CES1: variants seen among roughly 807,000 people sequenced by gnomAD.
The protein encoded by CES1 is liver carboxylesterase 1.
In CES1, 50 loss-of-function variants were observed where a neutral mutation model predicts 53.0. The observed-to-expected ratio is 0.94, with a 90% CI of 0.75 to 1.19. The LOEUF is 1.19. CES1 is among the 50% of genes most tolerant of loss of function. CES1 has a pLI of 0.00. For missense variants in CES1, 534 were observed against 538.0 expected, an observed-to-expected ratio of 0.99 and a Z score of 0.07; for synonymous variants, 202 against 210.1, an observed-to-expected ratio of 0.96 and a Z score of 0.33.
intron 6 of CES1, 54 bp from the exon 7 acceptor site, chr16:55,819,693 T>C: frequency 6.9e-7 from 1 of 1,450,058 alleles, no homozygotes. Context: ...CTTCCCTCCA[T>C]CAAAGAGGAA....
In CES1 at chr16:55,819,631, A is replaced by G. The variant is rs1194934046; in HGVS notation, c.810T>C (p.Ala270=). Reference sequence around the variant, plus strand: ...TGGTGGTTTTGCACCCAGCAGTGATAGCAATTTGCTGCAAAGATCACAGGC... The same window carrying G: ...TGGTGGTTTTGCACCCAGCAGTGATGGCAATTTGCTGCAAAGATCACAGGC... ...GDVKPLAEQI[A]ITAGCKTTTS... Residue 270 remains alanine (A), a synonymous_variant, in exon 7 of 14, where the codon GCT becomes GCC. Transcript: ENST00000360526. 6.2e-7 allele frequency: 1 copy of G among 1,613,158 alleles called. No homozygotes were observed. The highest frequency in any genetic ancestry group is 8.5e-7 in the Non-Finnish European group (1 of 1,179,134).
intron 10 of CES1, 70 bp downstream of exon 10, chr16:55,810,857 C>T: frequency 6.8e-7 from 1 of 1,464,528 alleles, no homozygotes; most frequent in South Asian, 1.1e-5. Flanking sequence ...CATTTAATTG[C>T]TCTATGATTT....
chr16:55,823,025 A>C (rs1351876140), intron 4 of CES1, among the ~76,000 whole-genome samples: 3 of 152,092 alleles, frequency 2.0e-5, no homozygotes, highest in African/African-American at 7.2e-5. Context: ...AATTTCAAGC[A>C]GAAAATGAGC....
intron 2 of CES1, chr16:55,828,202 C>CGT: frequency 5.3e-6 from 1 of 189,878 alleles, no homozygotes; most frequent in South Asian, 1.0e-4. Flanking sequence ...CTTTTCTTCC[C>CGT]AGCTTGGCCA....
chr16:55,812,157 A>T lies in CES1; in HGVS notation c.1086+746T>A, dbSNP rs74019273. ...CTGAATAAATCTGTCCTACTGCTTT[A>T]ACCAGGGTCAGTTTTGTTTATCTTC... On this transcript the variant is annotated intron_variant, in intron 9 of 13. Coordinates refer to ENST00000360526, the MANE Select transcript of CES1 (RefSeq NM_001025195.2). Among the ~76,000 whole-genome samples, 656 of 152,352 alleles carry T rather than the reference A, an allele frequency of 4.3e-3. 3 individuals carry two copies. Among genetic ancestry groups the T allele is most frequent in the African/African-American group, 0.015 (625 of 41,578 alleles).
chr16:55,820,625 G>T, intron 5 of CES1, 146 bp from the exon 6 acceptor site: 9 of 1,351,380 alleles, frequency 6.7e-6, no homozygotes, highest in Non-Finnish European at 9.3e-6. Context: ...CCCACCTCAA[G>T]GAGGTGGAAG....
At chr16:55,809,549 C>A (rs577098147) in intron 11 of CES1, among the ~76,000 whole-genome samples, 1 of 152,338 alleles carries the variant, frequency 6.6e-6, no homozygotes, top group East Asian at 1.9e-4. Flanking sequence ...GCACACACAT[C>A]CCTAACGTCA....
In CES1 at chr16:55,821,392, CG is replaced by C. The variant is rs2032186478; in HGVS notation, c.668del (p.Ala223GlyfsTer35). On this transcript the variant is annotated frameshift_variant, in exon 5 of 14. Transcript: ENST00000360526. LOFTEE classifies it high-confidence loss of function. ...PGSVTIFGES[A>X]GGESVSVLVL... The stretch of plus-strand genomic sequence containing the variant: ...CAAGAACAGAGACACTTTCTCCTCC[CG>C]CTGACTCTCCAAAGATGGTCACAGA... The C allele has an allele frequency of 6.2e-7, 1 of 1,614,056 alleles. No individual in the cohort carries two copies. Among genetic ancestry groups the C allele is most frequent in the Non-Finnish European group, 8.5e-7 (1 of 1,180,058 alleles).
At chr16:55,817,408 G>A (rs762436059) in intron 7 of CES1, among the ~76,000 whole-genome samples, 25 of 152,210 alleles carry the variant, frequency 1.6e-4, no homozygotes, top group Non-Finnish European at 3.1e-4. Context: ...ACACGACGAT[G>A]CTATTGCAAC....
chr16:55,825,477 G>T (rs1344554940), intron 3 of CES1, among the ~76,000 whole-genome samples: 1 of 152,208 alleles, frequency 6.6e-6, no homozygotes, highest in African/African-American at 2.4e-5. Context: ...TGGGTCATCA[G>T]CCTTTGCCAA....
At position 55,826,158 on chromosome 16, in the gene CES1, C is replaced by A; in HGVS notation, c.398G>T (p.Arg133Met). The change falls in exon 3 of 14, where the codon AGG becomes ATG. Residue 133 changes from arginine to methionine, a missense_variant. Physicochemically the swap from Arg to Met is moderately conservative, Grantham distance 91. This residue lies in a region of CES1 where 164 missense variants were observed against 162.4 expected (regional missense o/e 1.01). Coordinates refer to ENST00000360526, the MANE Select transcript of CES1 (RefSeq NM_001025195.2). ...YTPADLTKKN[R>M]LPVMVWIHGG... ...GGGGGTCCCACAACTTACCGGCAGC[C>A]TGTTTTTCTTGGTCAAGTCAGCAGG... 6.2e-7 allele frequency: 1 copy of A among 1,613,986 alleles called. No individual in the cohort carries two copies. The highest frequency in any genetic ancestry group is 8.5e-7 in the Non-Finnish European group (1 of 1,179,866).
chr16:55,811,242 G>A (rs2031685910), intron 9 of CES1, among the ~76,000 whole-genome samples: 2 of 151,700 alleles, frequency 1.3e-5, no homozygotes, highest in African/African-American at 4.9e-5. Flanking sequence ...AAATTTCAGA[G>A]AAGCTGTGGC....
chr16:55,830,812 A>T (rs1209786838), intron 1 of CES1, among the ~76,000 whole-genome samples: 2 of 149,960 alleles, frequency 1.3e-5, no homozygotes, highest in South Asian at 4.3e-4. Context: ...GAAGGAAGGA[A>T]GGAAGGAAGG....
chr16:55,816,791 C>G, intron 8 of CES1, 133 bp downstream of exon 8: 3 of 1,136,554 alleles, frequency 2.6e-6, no homozygotes, highest in South Asian at 1.2e-5. Flanking sequence ...GTCACTACCC[C>G]TCTCTGGGCC....
chr16:55,821,266 T>A (rs1379900926), intron 5 of CES1, 102 bp downstream of exon 5: 2 of 1,440,604 alleles, frequency 1.4e-6, no homozygotes, highest in Admixed American at 1.7e-5. Context: ...TGAATTCAGG[T>A]ATTGTAATCA....
chr16:55,816,886 G>C, intron 8 of CES1, 38 bp downstream of exon 8: 1 of 1,604,446 alleles, frequency 6.2e-7, no homozygotes, highest in Non-Finnish European at 8.5e-7. Context: ...AAGGTGCTAA[G>C]ACTCAAAACC....
chr16:55,831,283 G>T (rs4783904), intron 1 of CES1, among the ~76,000 whole-genome samples: 114,086 of 150,264 alleles, frequency 0.76, 42,645 homozygotes, highest in African/African-American at 0.81. Context: ...CCAGCTAAGA[G>T]TGCTGAGGAC....
In CES1 at chr16:55,816,910, C is replaced by A. The variant is rs1378487862; in HGVS notation, c.945+14G>T. 8 of 1,613,702 alleles carry A rather than the reference C, an allele frequency of 5.0e-6. 1 individual carries two copies. The Admixed American group carries it at 1.3e-4, about 27-fold the overall frequency. On this transcript the variant is annotated intron_variant, in intron 8 of 13. Coordinates refer to ENST00000360526, the MANE Select transcript of CES1 (RefSeq NM_001025195.2). Reference sequence around the variant, plus strand: ...AGACTCAAAACCCGTAATCCAGAAACAAAAGGTCCTTACCTCTCTGGGGTC... The same window carrying A: ...AGACTCAAAACCCGTAATCCAGAAAAAAAAGGTCCTTACCTCTCTGGGGTC...
Position 55,821,364 on chromosome 16 carries a change from T to G in CES1, c.693+4A>C, listed in dbSNP as rs756140037. 1.9e-6 allele frequency: 3 copies of G among 1,614,162 alleles called. No homozygotes were observed. Among genetic ancestry groups the G allele is most frequent in the Non-Finnish European group, 2.5e-6 (3 of 1,180,034 alleles). ...GGGTTGGGCCTGGTGACAGGAAAAC[T>G]CACAAGAACAGAGACACTTTCTCCT... On this transcript the variant is annotated splice_donor_region_variant and intron_variant, in intron 5 of 13. Transcript: ENST00000360526.
Sources: allele counts gnomAD v4.1 joint callset (sites outside exome capture counted in the v4.1 genomes callset), GRCh38; gene constraint gnomAD v4.1.1; regional missense constraint gnomAD v4.1.1; transcripts MANE v1.5; gene names NCBI Gene and HGNC (gene_info 2026-07-23, HGNC 2026-07-21).